The following RAD51B variants were observed in gnomAD, a reference collection of about 807,000 sequenced individuals.
RAD51B encodes DNA repair protein RAD51 homolog 2.
A neutral mutation model predicts 42.2 loss-of-function variants in RAD51B; 38 were observed. The ratio of observed to expected loss-of-function variants is 0.90; its 90% CI spans 0.70 to 1.18. RAD51B has a LOEUF of 1.18. Ranked by LOEUF, RAD51B falls within the 50% of genes most tolerant of loss-of-function variation. The pLI, the probability that RAD51B is intolerant of heterozygous loss-of-function variation, is 0.00. For missense variants in RAD51B, 373 were observed against 400.7 expected, an observed-to-expected ratio of 0.93 and a Z score of 0.59; for synonymous variants, 154 against 145.2, an observed-to-expected ratio of 1.06 and a Z score of -0.43.
At chr14:68,374,080 GAAACTCAACA>G (rs2083314070) in intron 8 of RAD51B, among the ~76,000 whole-genome samples, 1 of 152,172 alleles carries the variant, frequency 6.6e-6, no homozygotes, top group Non-Finnish European at 1.5e-5. Context: ...ATGAGGAAAT[GAAACTCAACA>G]AAGAAATTAA....
At chr14:67,871,936 T>G (rs994474056) in intron 5 of RAD51B, among the ~76,000 whole-genome samples, 22 of 148,438 alleles carry the variant, frequency 1.5e-4, no homozygotes, top group Non-Finnish European at 2.7e-4. Flanking sequence ...TGGGACGTAT[T>G]TCAAAATAAT....
intron 8 of RAD51B, among the ~76,000 whole-genome samples, chr14:68,364,053 G>A (rs1033237183): frequency 1.3e-5 from 2 of 152,224 alleles, no homozygotes; most frequent in African/African-American, 4.8e-5. Context: ...GGCGAAGGAA[G>A]TATCTGCTGC....
At chr14:68,306,082 A>G (rs1337283634) in intron 8 of RAD51B, among the ~76,000 whole-genome samples, 1 of 152,166 alleles carries the variant, frequency 6.6e-6, no homozygotes, top group East Asian at 1.9e-4. Context: ...TAGAGTTTGG[A>G]GGAGCTATTG....
At chr14:68,469,877 T>G (rs1323388240) in intron 10 of RAD51B, among the ~76,000 whole-genome samples, 1 of 152,184 alleles carries the variant, frequency 6.6e-6, no homozygotes, top group African/African-American at 2.4e-5. Context: ...CACTAGGCAT[T>G]TTGTTAAATA....
chr14:68,169,437 G>A (rs1398961957), intron 7 of RAD51B, among the ~76,000 whole-genome samples: 1 of 152,040 alleles, frequency 6.6e-6, no homozygotes, highest in Non-Finnish European at 1.5e-5. Flanking sequence ...CACTAATTTT[G>A]CATAATTTGA....
intron 1 of RAD51B, among the ~76,000 whole-genome samples, chr14:67,822,817 C>T (rs1202504939): frequency 2.6e-5 from 4 of 151,948 alleles, no homozygotes; most frequent in Admixed American, 2.0e-4. Context: ...GCTCTGACTC[C>T]TAGAAAAAGG....
At chr14:68,357,483 A>G (rs533783094) in intron 8 of RAD51B, among the ~76,000 whole-genome samples, 5 of 152,140 alleles carry the variant, frequency 3.3e-5, no homozygotes, top group African/African-American at 7.2e-5. Context: ...AATCTTCTGA[A>G]TGGCATCTAG....
chr14:68,588,577 G>A (rs1388764119), intron 10 of RAD51B, among the ~76,000 whole-genome samples: 6 of 152,184 alleles, frequency 3.9e-5, no homozygotes, highest in Non-Finnish European at 7.3e-5. Flanking sequence ...AATGAATGCG[G>A]TCTGGCAGGG....
intron 8 of RAD51B, among the ~76,000 whole-genome samples, chr14:68,366,835 G>A (rs1466558416): frequency 6.6e-6 from 1 of 152,192 alleles, no homozygotes; most frequent in Non-Finnish European, 1.5e-5. Flanking sequence ...CCTCTTCCGT[G>A]ACCTTGTTTG....
At chr14:68,165,079 T>G (rs1290147160) in intron 7 of RAD51B, among the ~76,000 whole-genome samples, 1 of 152,240 alleles carries the variant, frequency 6.6e-6, no homozygotes, top group Non-Finnish European at 1.5e-5. Flanking sequence ...AAGTGTTACC[T>G]TTGGAGTTGA....
intron 7 of RAD51B, among the ~76,000 whole-genome samples, chr14:68,258,021 A>T (rs1744348832): frequency 6.6e-6 from 1 of 152,178 alleles, no homozygotes; most frequent in Non-Finnish European, 1.5e-5. Context: ...TTTTAATTTG[A>T]ATATTCATAA....
chr14:68,038,565 A>G (rs2076169215), intron 7 of RAD51B, among the ~76,000 whole-genome samples: 1 of 152,206 alleles, frequency 6.6e-6, no homozygotes, highest in African/African-American at 2.4e-5. Flanking sequence ...ACAAATCATA[A>G]TATCTGTATG....
At chr14:68,632,398 T>C (rs1892249075) in intron 10 of RAD51B, among the ~76,000 whole-genome samples, 1 of 152,202 alleles carries the variant, frequency 6.6e-6, no homozygotes, top group South Asian at 2.1e-4. Context: ...CAGGAGCCGC[T>C]CGGCCGTCTG....
At chr14:68,162,517 G>A (rs2078661800) in intron 7 of RAD51B, among the ~76,000 whole-genome samples, 4 of 152,200 alleles carry the variant, frequency 2.6e-5, no homozygotes, top group Admixed American at 2.6e-4. Flanking sequence ...CGGGCGTAGT[G>A]GCTCACGCCA....
chr14:68,283,660 T>C (rs138047642), intron 7 of RAD51B, among the ~76,000 whole-genome samples: 79 of 152,322 alleles, frequency 5.2e-4, no homozygotes, highest in East Asian at 1.3e-3. Flanking sequence ...GTTTGTGGCC[T>C]CTTTACAACT....
chr14:67,919,664 G>T (rs574625113), intron 7 of RAD51B, among the ~76,000 whole-genome samples: 1 of 152,240 alleles, frequency 6.6e-6, no homozygotes, highest in East Asian at 1.9e-4. Flanking sequence ...TTCACTGAGG[G>T]CTTTTCCTGT....
chr14:68,535,726 A>G (rs1024632065), intron 10 of RAD51B, among the ~76,000 whole-genome samples: 3 of 152,178 alleles, frequency 2.0e-5, no homozygotes, highest in Non-Finnish European at 4.4e-5. Context: ...AAAACCAAGG[A>G]AAAAAATGAG....
At chr14:68,638,317 T>G (rs1892382744) in intron 10 of RAD51B, among the ~76,000 whole-genome samples, 1 of 152,166 alleles carries the variant, frequency 6.6e-6, no homozygotes, top group Admixed American at 6.5e-5. Context: ...AACTTTATTT[T>G]TAAAGAGCTT....
intron 10 of RAD51B, among the ~76,000 whole-genome samples, chr14:68,476,063 G>T (rs1882572789): frequency 6.7e-6 from 1 of 148,318 alleles, no homozygotes; most frequent in Non-Finnish European, 1.5e-5. Context: ...AAAAAAAAAG[G>T]TCCCTTCCTT....
Sources: gnomAD v4.1 joint callset for allele counts (sites outside exome capture counted in the v4.1 genomes callset) on GRCh38, gnomAD v4.1.1 for gene constraint, MANE v1.5 for transcripts, NCBI Gene and HGNC (gene_info 2026-07-23, HGNC 2026-07-21) for gene names.